Variants in BACE2 observed in about 807,000 individuals in gnomAD.
BACE2 encodes beta-secretase 2.
Under a neutral mutation model 46.2 loss-of-function variants are expected in BACE2, and 17 were observed. The ratio of observed to expected loss-of-function variants is 0.37; its 90% CI spans 0.25 to 0.55. The LOEUF (loss-of-function observed/expected upper bound fraction) is 0.55. Among genes scored for constraint, BACE2 ranks in the 20% least tolerant of loss-of-function variants. BACE2 has a pLI of 0.82. For missense variants in BACE2, 595 were observed against 698.1 expected (o/e 0.85, Z 1.66); for synonymous variants, 277 against 295.9 (o/e 0.94, Z 0.66).
intron 5 of BACE2, among the ~76,000 whole-genome samples, chr21:41,244,750 A>G (rs1309743331): frequency 6.6e-6 from 1 of 152,238 alleles, no homozygotes; most frequent in Non-Finnish European, 1.5e-5. Context: ...GATTATAAAA[A>G]TGATGGTCGC....
chr21:41,241,821 ATCAAGTTCTCTGGAGACCT>A lies in BACE2; in HGVS notation c.624_642del (p.Ser210ThrfsTer4), dbSNP rs757530644. 6.2e-7 allele frequency: 1 copy of A among 1,614,176 alleles called. No individual in the cohort carries two copies. The highest frequency in any genetic ancestry group is 1.1e-5 in the South Asian group (1 of 91,082). On this transcript the variant is annotated frameshift_variant, in exon 4 of 9. Coordinates refer to ENST00000330333, the MANE Select transcript of BACE2 (RefSeq NM_012105.5). LOFTEE classifies it high-confidence loss of function. The stretch of plus-strand genomic sequence containing the variant: ...CCCTCTCTGTCGCCCTCCCGCAGCC[ATCAAGTTCTCTGGAGACCT>A]TCTTCGACTCCCTGGTGACACAAGC...
At position 41,281,116 on chromosome 21, in the gene BACE2, T is replaced by C. The variant is rs2088543213; in HGVS notation, c.*5492T>C. 1.3e-5 allele frequency: 2 copies of C among 152,364 alleles called. No homozygotes were observed. Among genetic ancestry groups the C allele is most frequent in the South Asian group, 4.1e-4 (2 of 4,824 alleles). The allele number at this position is 152,364 out of a possible 1,614,324, so 9.4% of individuals were successfully genotyped here. On this transcript the variant is annotated 3_prime_UTR_variant, in exon 9 of 9. Coordinates refer to ENST00000330333, the MANE Select transcript of BACE2 (RefSeq NM_012105.5). The stretch of plus-strand genomic sequence containing the variant: ...GTGATGGTAAAATATCTGTCTCTCC[T>C]CTGGGAATCAGGGCAGCCCTGAGAA...
At chr21:41,207,200 T>C (rs1986154667) in intron 1 of BACE2, among the ~76,000 whole-genome samples, 1 of 152,172 alleles carries the variant, frequency 6.6e-6, no homozygotes, top group Admixed American at 6.5e-5. Flanking sequence ...TTTTGGGAAA[T>C]GCATAATGGG....
At chr21:41,227,313 C>T (rs111773851) in intron 2 of BACE2, among the ~76,000 whole-genome samples, 10,289 of 152,226 alleles carry the variant, frequency 0.068, 409 homozygotes, top group Non-Finnish European at 0.1. Context: ...GGAACTGTCA[C>T]ATTAGGTTTC....
chr21:41,275,695 G>A lies in BACE2; in HGVS notation c.*71G>A, dbSNP rs367667716. The A allele has an allele frequency of 2.0e-5, 32 of 1,562,736 alleles. No homozygotes were observed. The highest frequency in any genetic ancestry group is 1.8e-4 in the East Asian group (8 of 44,224). ...AAATCACATTTCCAGGGCAGCAGCC[G>A]GGATCGATGGTGGCGCTTTCTCCTG... On this transcript the variant is annotated 3_prime_UTR_variant, in exon 9 of 9. Coordinates refer to ENST00000330333, the MANE Select transcript of BACE2 (RefSeq NM_012105.5).
chr21:41,275,596 C>G lies in BACE2; in HGVS notation c.1529C>G (p.Ser510Cys), dbSNP rs1365741544. Residue 510 changes from serine (S) to cysteine (C), a missense_variant, in exon 9 of 9, where the codon TCC (serine) becomes TGC (cysteine). Around this residue, in one of 3 missense-constraint regions of BACE2, gnomAD observed 343 missense variants for 419.4 expected, o/e 0.82. Transcript: ENST00000330333. ...PRDPEVVNDE[S>C]SLVRHRWK is the part of the protein sequence containing the mutation. ...GACCCTGAGGTCGTCAATGATGAGT[C>G]CTCTCTGGTCAGACATCGCTGGAAA... is the stretch of plus-strand genomic sequence containing the variant. 5.0e-6 allele frequency: 8 copies of G among 1,613,826 alleles called. No individual in the cohort carries two copies. In the African/African-American group the frequency reaches 1.1e-4, roughly 22 times the overall value.
At chr21:41,257,134 T>C in intron 7 of BACE2, 24 bp from the exon 8 acceptor site, 1 of 1,613,638 alleles carries the variant, frequency 6.2e-7, no homozygotes, top group Non-Finnish European at 8.5e-7. Flanking sequence ...CTTGTTTGTT[T>C]GCTCTCTCCT....
At chr21:41,218,846 C>G (rs911776306) in intron 1 of BACE2, among the ~76,000 whole-genome samples, 1 of 151,404 alleles carries the variant, frequency 6.6e-6, no homozygotes, top group African/African-American at 2.4e-5. Flanking sequence ...TGGAGCACCC[C>G]CTGTCCCTTC....
chr21:41,174,138 C>CTTTTTTTTT lies in BACE2; in HGVS notation c.312+5563_312+5564insTTTTTTTTT, dbSNP rs1568853912. 1.1e-3 allele frequency among the ~76,000 whole-genome samples: 79 copies of CTTTTTTTTT among 70,626 alleles called. 4 individuals carry two copies. Among genetic ancestry groups the CTTTTTTTTT allele is most frequent in the African/African-American group, 5.6e-3 (59 of 10,540 alleles). The allele number at this position is 70,626 out of a possible 152,430, so 46.3% of individuals were successfully genotyped here. A position where few individuals can be genotyped will look rare whatever the true frequency, so the allele number is the denominator to read the frequency against. On this transcript the variant is annotated intron_variant, in intron 1 of 8. Coordinates refer to ENST00000330333, the MANE Select transcript of BACE2 (RefSeq NM_012105.5). ...TAAGGATAGCTGTTGTGATCAGTGG[C>CTTTTTTTTT]CTTTTTTTTTTTTTTTTTTTTTTTT... is the stretch of plus-strand genomic sequence containing the variant.
intron 1 of BACE2, among the ~76,000 whole-genome samples, chr21:41,202,073 A>G (rs1985983416): frequency 6.6e-6 from 1 of 152,234 alleles, no homozygotes; most frequent in Non-Finnish European, 1.5e-5. Context: ...GAAATTGTGA[A>G]ATCATGTAAG....
At position 41,237,381 on chromosome 21, in the gene BACE2, GGTT is replaced by G. The variant is rs1182691959; in HGVS notation, c.402-130_402-128del. ...GAATCGCTTGAACCCGGGAGGCGGA[GGTT>G]GCAGTGAGCCAAGATCCCGCCACTG... On this transcript the variant is annotated intron_variant, in intron 2 of 8. Transcript: ENST00000330333. 1.3e-5 allele frequency: 7 copies of G among 527,632 alleles called. No individual in the cohort carries two copies. The African/African-American group carries it at 1.4e-4, about 10-fold the overall frequency. The allele number at this position is 527,632 out of a possible 1,614,324, so 32.7% of individuals were successfully genotyped here.
intron 7 of BACE2, among the ~76,000 whole-genome samples, chr21:41,252,276 T>G (rs1987663745): frequency 6.6e-6 from 1 of 152,194 alleles, no homozygotes; most frequent in Non-Finnish European, 1.5e-5. Flanking sequence ...GGGTGGCCAC[T>G]GACCCTCAAG....
rs774217159 is a variant in BACE2, at chr21:41,275,924, A to G, written c.*300A>G. On this transcript the variant is annotated 3_prime_UTR_variant, in exon 9 of 9. Transcript: ENST00000330333. Reference sequence around the variant, plus strand: ...TGCCAAAGTGTCTACATGTGCCACCAACATAAAACAAAACCAAGCCTTGGC... The same window carrying G: ...TGCCAAAGTGTCTACATGTGCCACCGACATAAAACAAAACCAAGCCTTGGC... 13 of 350,246 alleles carry G rather than the reference A, an allele frequency of 3.7e-5. No homozygotes were observed. The highest frequency in any genetic ancestry group is 6.3e-5 in the Non-Finnish European group (12 of 191,150). 21.7% of individuals were successfully genotyped at this position (350,246 alleles called of 1,614,324 possible).
chr21:41,244,844 AAAAC>A (rs1349963900), intron 5 of BACE2, among the ~76,000 whole-genome samples: 1 of 151,956 alleles, frequency 6.6e-6, no homozygotes, highest in Non-Finnish European at 1.5e-5. Flanking sequence ...GTCCGAATGT[AAAAC>A]AAAATACAAA....
chr21:41,211,535 C>T (rs1389507843), intron 1 of BACE2, among the ~76,000 whole-genome samples: 4 of 152,312 alleles, frequency 2.6e-5, no homozygotes, highest in Middle Eastern at 6.8e-3. Flanking sequence ...AGAACTGAAG[C>T]GCTGAAAGAG....
intron 7 of BACE2, among the ~76,000 whole-genome samples, chr21:41,254,902 G>A (rs1362617278): frequency 6.6e-6 from 1 of 152,252 alleles, no homozygotes; most frequent in Non-Finnish European, 1.5e-5. Context: ...GTCTGCCCGA[G>A]GGGCGCATGA....
intron 2 of BACE2, among the ~76,000 whole-genome samples, chr21:41,228,263 G>A (rs961478407): frequency 2.0e-5 from 3 of 152,278 alleles, no homozygotes; most frequent in South Asian, 4.1e-4. Context: ...GGTAGACCAC[G>A]CAGTAGGCAG....
intron 1 of BACE2, among the ~76,000 whole-genome samples, chr21:41,199,218 G>A (rs1568864806): frequency 6.6e-6 from 1 of 151,974 alleles, no homozygotes; most frequent in Admixed American, 6.6e-5. Flanking sequence ...GCTGCCCAGC[G>A]TCTGCTCCTC....
chr21:41,206,305 A>G (rs1385662765), intron 1 of BACE2, among the ~76,000 whole-genome samples: 1 of 152,098 alleles, frequency 6.6e-6, no homozygotes, highest in African/African-American at 2.4e-5. Context: ...TAAGGGCACT[A>G]ATCCCATCCA....
Sources: allele counts gnomAD v4.1 joint callset (sites outside exome capture counted in the v4.1 genomes callset), GRCh38; gene constraint gnomAD v4.1.1; regional missense constraint gnomAD v4.1.1; transcripts MANE v1.5; gene names NCBI Gene and HGNC (gene_info 2026-07-23, HGNC 2026-07-21).